FRAS1: variants seen among roughly 807,000 people sequenced by gnomAD.
FRAS1 encodes extracellular matrix organizing protein FRAS1.
Under a neutral mutation model 435.2 loss-of-function variants are expected in FRAS1, and 290 were observed. That is an observed-to-expected ratio of 0.67 (90% CI 0.61 to 0.73). FRAS1 has a LOEUF of 0.73. Ranked by LOEUF, FRAS1 falls within the 30% of genes least tolerant of loss-of-function variation. The pLI is 0.00. For synonymous variants in FRAS1, 1,800 were observed against 1,851.0 expected (o/e 0.97, Z 0.71); for missense variants, 4,860 against 5,001.5 (o/e 0.97, Z 0.85).
chr4:78,209,612 C>T (rs938748502), intron 2 of FRAS1, among the ~76,000 whole-genome samples: 1 of 152,112 alleles, frequency 6.6e-6, no homozygotes, highest in South Asian at 2.1e-4. Context: ...CTTATACTTT[C>T]CTTGGGTCCC....
chr4:78,111,950 C>G (rs1343718188), intron 2 of FRAS1, among the ~76,000 whole-genome samples: 1 of 151,904 alleles, frequency 6.6e-6, no homozygotes, highest in Non-Finnish European at 1.5e-5. Context: ...AAGAGGTAGG[C>G]AAAGATCCCA....
intron 2 of FRAS1, among the ~76,000 whole-genome samples, chr4:78,182,967 A>C (rs1722097119): frequency 6.6e-6 from 1 of 151,770 alleles, no homozygotes; most frequent in Admixed American, 6.6e-5. Context: ...AGAATGGATG[A>C]GAGAGGGAGA....
chr4:78,092,229 C>T (rs17002930), intron 2 of FRAS1, among the ~76,000 whole-genome samples: 13 of 151,954 alleles, frequency 8.6e-5, no homozygotes, highest in African/African-American at 4.8e-5. Context: ...ATTTAAGCTA[C>T]GCACAACTCA....
chr4:78,260,311 C>G (rs1426879192), intron 6 of FRAS1, among the ~76,000 whole-genome samples: 6 of 151,964 alleles, frequency 3.9e-5, no homozygotes, highest in South Asian at 2.1e-4. Context: ...CCATTTTCAC[C>G]ATATTGATTC....
At position 78,451,838 on chromosome 4, in the gene FRAS1, T is replaced by C. The variant is rs76345011; in HGVS notation, c.6530T>C (p.Val2177Ala). 559 of 1,613,144 alleles carry C rather than the reference T, an allele frequency of 3.5e-4. 4 individuals are homozygous for C. In the East Asian group the frequency reaches 0.012, roughly 34 times the overall value. The change falls in exon 46 of 74, where the codon GTT becomes GCT. Residue 2177 changes from valine (V) to alanine (A), a missense_variant. Coordinates refer to ENST00000512123, the MANE Select transcript of FRAS1 (RefSeq NM_025074.7). ...GGSFAFKFDV[V>A]DGEGNRLIDK... is the part of the protein sequence containing the mutation. ...AGCTTTGCTTTTAAATTTGATGTGG[T>C]TGATGGAGAAGGCAACAGATTGATT...
intron 59 of FRAS1, among the ~76,000 whole-genome samples, chr4:78,495,755 C>A (rs1578357968): frequency 1.3e-5 from 2 of 152,120 alleles, no homozygotes; most frequent in South Asian, 2.1e-4. Flanking sequence ...CATTTTAGAA[C>A]CTTTATTATT....
chr4:78,509,919 C>T (rs1205534739), intron 63 of FRAS1, among the ~76,000 whole-genome samples: 1 of 152,168 alleles, frequency 6.6e-6, no homozygotes, highest in Non-Finnish European at 1.5e-5. Context: ...CCTGTTCATT[C>T]CACAGTTTAT....
At chr4:78,301,846 GT>G (rs59794614) in intron 14 of FRAS1, among the ~76,000 whole-genome samples, 2,550 of 103,976 alleles carry the variant, frequency 0.025, 17 homozygotes, top group African/African-American at 0.033. Context: ...CACAGAAACA[GT>G]TTTTTTTTTT....
At chr4:78,142,534 G>A (rs1720238191) in intron 2 of FRAS1, among the ~76,000 whole-genome samples, 1 of 152,088 alleles carries the variant, frequency 6.6e-6, no homozygotes, top group African/African-American at 2.4e-5. Context: ...AATGAACGGA[G>A]TTATCAGATA....
At chr4:78,391,996 G>A (rs550345040) in intron 29 of FRAS1, among the ~76,000 whole-genome samples, 154 of 151,516 alleles carry the variant, frequency 1.0e-3, no homozygotes, top group Non-Finnish European at 1.5e-3. Context: ...TTTTGGGGGG[G>A]TTTGATTAGC....
chr4:78,518,819 A>G (rs1210533942), intron 66 of FRAS1, among the ~76,000 whole-genome samples: 2 of 152,162 alleles, frequency 1.3e-5, no homozygotes, highest in African/African-American at 2.4e-5. Context: ...TTCCTGGAGC[A>G]GGAGATGAGA....
intron 2 of FRAS1, among the ~76,000 whole-genome samples, chr4:78,156,808 C>T (rs1720907594): frequency 6.6e-6 from 1 of 152,086 alleles, no homozygotes; most frequent in African/African-American, 2.4e-5. Context: ...GTCAGAATAC[C>T]TCTGTGGTGA....
intron 2 of FRAS1, among the ~76,000 whole-genome samples, chr4:78,213,066 A>G (rs1442548656): frequency 6.6e-6 from 1 of 152,194 alleles, no homozygotes; most frequent in Non-Finnish European, 1.5e-5. Flanking sequence ...GGGAGAAATA[A>G]TATCGTGGGA....
chr4:78,117,751 T>A (rs1325723012), intron 2 of FRAS1, among the ~76,000 whole-genome samples: 1 of 152,272 alleles, frequency 6.6e-6, no homozygotes, highest in African/African-American at 2.4e-5. Context: ...TTCAAGGTTT[T>A]TAACTTCTTT....
intron 2 of FRAS1, among the ~76,000 whole-genome samples, chr4:78,075,537 G>C (rs1405814010): frequency 1.3e-5 from 2 of 152,162 alleles, no homozygotes; most frequent in African/African-American, 4.8e-5. Flanking sequence ...AGTGTCAGTA[G>C]GTAGAAGGGC....
chr4:78,321,990 C>A (rs1729530396), intron 18 of FRAS1, among the ~76,000 whole-genome samples: 1 of 152,098 alleles, frequency 6.6e-6, no homozygotes, highest in Non-Finnish European at 1.5e-5. Context: ...ATACATATAG[C>A]TCTCTACTCA....
intron 14 of FRAS1, among the ~76,000 whole-genome samples, chr4:78,287,414 T>C (rs1406739711): frequency 6.6e-6 from 1 of 152,100 alleles, no homozygotes; most frequent in African/African-American, 2.4e-5. Context: ...TTCAGGAGAA[T>C]AGATAATTAG....
Position 78,448,261 on chromosome 4 carries a change from G to T in FRAS1, c.6219G>T (p.Leu2073=), listed in dbSNP as rs1455689831. 3.3e-5 allele frequency: 54 copies of T among 1,612,466 alleles called. No homozygotes were observed. The highest frequency in any genetic ancestry group is 4.6e-5 in the Non-Finnish European group (54 of 1,179,596). Residue 2073 remains leucine, a synonymous_variant, in exon 44 of 74, where the codon CTG becomes CTT. Coordinates refer to ENST00000512123, the MANE Select transcript of FRAS1 (RefSeq NM_025074.7). ...DTGRMKIYTE[L]PASDTPHLAI... is the part of the protein sequence containing the mutation. ...GGAGGATGAAGATCTACACAGAACT[G>T]CCTGCAAGTGACACACCTCACTTGG...
chr4:78,521,706 G>A, intron 68 of FRAS1, 76 bp downstream of exon 68: 2 of 921,908 alleles, frequency 2.2e-6, no homozygotes, highest in Non-Finnish European at 1.7e-6. Flanking sequence ...TGAAAGAATA[G>A]AACAGTAAAA....
Sources: gnomAD v4.1 joint callset for allele counts (sites outside exome capture counted in the v4.1 genomes callset) on GRCh38, gnomAD v4.1.1 for gene constraint, MANE v1.5 for transcripts, NCBI Gene and HGNC (gene_info 2026-07-23, HGNC 2026-07-21) for gene names.